SCD5: variants seen among roughly 807,000 people sequenced by gnomAD.
SCD5 encodes acyl-CoA-desaturase 4.
A neutral mutation model predicts 30.4 loss-of-function variants in SCD5; 20 were observed. The observed-to-expected ratio is 0.66, with a 90% CI of 0.46 to 0.96. SCD5 has a LOEUF of 0.96. SCD5 is among the 40% of genes least tolerant of loss of function. The pLI is 0.00. For missense variants in SCD5, 381 were observed against 443.3 expected (o/e 0.86, Z 1.26); for synonymous variants, 173 against 176.4 (o/e 0.98, Z 0.16).
At chr4:82,654,169 G>A (rs75506555) in intron 3 of SCD5, among the ~76,000 whole-genome samples, 3,596 of 152,200 alleles carry the variant, frequency 0.024, 66 homozygotes, top group South Asian at 0.091. Flanking sequence ...CACCCACCTC[G>A]GCCTCCCAAA....
intron 3 of SCD5, among the ~76,000 whole-genome samples, chr4:82,650,276 A>G (rs912598990): frequency 5.9e-5 from 9 of 152,260 alleles, no homozygotes; most frequent in African/African-American, 1.4e-4. Flanking sequence ...TTATTTTAAT[A>G]TAAAATGATA....
chr4:82,731,237 T>C (rs916187276), intron 1 of SCD5, among the ~76,000 whole-genome samples: 3 of 152,106 alleles, frequency 2.0e-5, no homozygotes, highest in Non-Finnish European at 2.9e-5. Context: ...GAAGCAGCAA[T>C]TATTTTGCTT....
At chr4:82,635,074 T>C (rs1472560252) in intron 4 of SCD5, among the ~76,000 whole-genome samples, 2 of 152,198 alleles carry the variant, frequency 1.3e-5, no homozygotes, top group African/African-American at 4.8e-5. Flanking sequence ...ACAGAGACCA[T>C]TTCTACTTAA....
chr4:82,650,447 C>A (rs1451406562), intron 3 of SCD5, among the ~76,000 whole-genome samples: 2 of 152,168 alleles, frequency 1.3e-5, no homozygotes, highest in Non-Finnish European at 2.9e-5. Flanking sequence ...GTAATCCCAG[C>A]ACTTTGGGAG....
rs983847299 is a variant in SCD5 at position 82,722,522 on chromosome 4, G to A, written c.233-17109C>T. Reference sequence around the variant, plus strand: ...CTCACTCCTGTAATCCCAGCACTTTGGGAGACCAAGGCAGGAGGATCACCT... The same window carrying A: ...CTCACTCCTGTAATCCCAGCACTTTAGGAGACCAAGGCAGGAGGATCACCT... On this transcript the variant is annotated intron_variant, in intron 1 of 4. Transcript: ENST00000319540. 1.4e-4 allele frequency among the ~76,000 whole-genome samples: 21 copies of A among 152,298 alleles called. No individual in the cohort carries two copies. In the East Asian group the frequency reaches 1.7e-3, roughly 13 times the overall value.
chr4:82,730,232 A>ATTATATTATATTAT (rs763488763), intron 1 of SCD5, among the ~76,000 whole-genome samples: 19 of 146,324 alleles, frequency 1.3e-4, no homozygotes, highest in African/African-American at 4.5e-4. Context: ...TATTATATAT[A>ATTATATTATATTAT]ATATTTAAAA....
intron 3 of SCD5, among the ~76,000 whole-genome samples, chr4:82,658,406 T>C (rs1476993412): frequency 1.3e-5 from 2 of 152,002 alleles, no homozygotes; most frequent in African/African-American, 2.4e-5. Context: ...TTTATTGATA[T>C]GTGTATGTTG....
intron 1 of SCD5, among the ~76,000 whole-genome samples, chr4:82,762,080 G>A (rs954919862): frequency 7.9e-5 from 12 of 151,338 alleles, no homozygotes; most frequent in Non-Finnish European, 1.6e-4. Flanking sequence ...GGACAGAAGT[G>A]AGAGGATCGC....
chr4:82,781,529 T>C (rs554843865), intron 1 of SCD5, among the ~76,000 whole-genome samples: 4 of 152,280 alleles, frequency 2.6e-5, no homozygotes, highest in African/African-American at 9.6e-5. Flanking sequence ...TGGGTTATGC[T>C]GTGGTTTGAA....
At chr4:82,695,080 T>A (rs915715724) in intron 2 of SCD5, among the ~76,000 whole-genome samples, 1 of 142,700 alleles carries the variant, frequency 7.0e-6, no homozygotes, top group African/African-American at 2.8e-5. Context: ...ACTCAGCCTT[T>A]AACTTGTGGG....
chr4:82,710,766 T>A (rs1303982977), intron 1 of SCD5, among the ~76,000 whole-genome samples: 1 of 148,184 alleles, frequency 6.7e-6, no homozygotes, highest in African/African-American at 2.5e-5. Context: ...GTTCTGAAGA[T>A]AGATAGGCAA....
At chr4:82,709,520 T>C (rs944058703) in intron 1 of SCD5, among the ~76,000 whole-genome samples, 2 of 152,182 alleles carry the variant, frequency 1.3e-5, no homozygotes, top group Non-Finnish European at 2.9e-5. Context: ...AAAGAAGGCT[T>C]TGCAGAAGAA....
At chr4:82,743,814 C>A (rs1039256632) in intron 1 of SCD5, among the ~76,000 whole-genome samples, 1 of 152,058 alleles carries the variant, frequency 6.6e-6, no homozygotes, top group East Asian at 1.9e-4. Context: ...TGACCACACC[C>A]GGCCACTAAC....
intron 1 of SCD5, among the ~76,000 whole-genome samples, chr4:82,734,739 T>C (rs1053752231): frequency 7.9e-5 from 12 of 151,660 alleles, no homozygotes; most frequent in Non-Finnish European, 1.5e-4. Flanking sequence ...AACAAGCCTA[T>C]AGTCAATATT....
chr4:82,761,634 GTT>G (rs1721369665), intron 1 of SCD5, among the ~76,000 whole-genome samples: 1 of 151,740 alleles, frequency 6.6e-6, no homozygotes, highest in African/African-American at 2.4e-5. Flanking sequence ...CATTGTGCAG[GTT>G]AGTTACATAT....
At chr4:82,789,498 T>G (rs1054208302) in intron 1 of SCD5, among the ~76,000 whole-genome samples, 2 of 152,218 alleles carry the variant, frequency 1.3e-5, no homozygotes, top group African/African-American at 4.8e-5. Flanking sequence ...AGATTTGTTT[T>G]CTCTAACAAG....
chr4:82,741,849 T>TGGGGGG (rs1560549930), intron 1 of SCD5, among the ~76,000 whole-genome samples: 2 of 2,552 alleles, frequency 7.8e-4, no homozygotes, highest in Non-Finnish European at 8.0e-4. Flanking sequence ...GGGGTCAGAG[T>TGGGGGG]GGGCGGGGGG....
At chr4:82,743,781 C>A (rs1234031627) in intron 1 of SCD5, among the ~76,000 whole-genome samples, 2 of 151,988 alleles carry the variant, frequency 1.3e-5, no homozygotes, top group East Asian at 3.9e-4. Context: ...CCTTGGTCTC[C>A]CAAAGTGCTG....
intron 3 of SCD5, among the ~76,000 whole-genome samples, chr4:82,652,023 A>G (rs1727768104): frequency 6.6e-6 from 1 of 152,200 alleles, no homozygotes; most frequent in Non-Finnish European, 1.5e-5. Context: ...TGGGGTCTGG[A>G]GTGGGGCATG....
Sources: allele counts gnomAD v4.1 joint callset (sites outside exome capture counted in the v4.1 genomes callset), GRCh38; gene constraint gnomAD v4.1.1; transcripts MANE v1.5; gene names NCBI Gene and HGNC (gene_info 2026-07-23, HGNC 2026-07-21).